Variants in LGSN observed in about 807,000 individuals in gnomAD.
The protein encoded by LGSN is lengsin.
Under a neutral mutation model 19.5 loss-of-function variants are expected in LGSN, and 21 were observed. That is an observed-to-expected ratio of 1.07 (90% CI 0.76 to 1.55). LGSN has a LOEUF of 1.55. LGSN is among the 40% of genes most tolerant of loss of function. LGSN has a pLI of 0.00. For synonymous variants in LGSN, 257 were observed against 215.6 expected (o/e 1.19, Z -1.68); for missense variants, 673 against 608.5 (o/e 1.11, Z -1.12).
chr6:63,456,468 C>T, the LGSN span, among the ~76,000 whole-genome samples: 1,331 of 147,362 alleles, frequency 9.0e-3, 15 homozygotes, highest in African/African-American at 0.031. Context: ...TAGACTCAAG[C>T]GCCCCTCAGC....
intron 2 of LGSN, among the ~76,000 whole-genome samples, chr6:63,291,963 G>A (rs750660398): frequency 6.6e-6 from 1 of 152,190 alleles, no homozygotes; most frequent in African/African-American, 2.4e-5. Flanking sequence ...AAGGGATGTG[G>A]AAGAAGGGGA....
At chr6:63,415,676 G>C in the LGSN span, among the ~76,000 whole-genome samples, 8 of 152,226 alleles carry the variant, frequency 5.3e-5, no homozygotes, top group Non-Finnish European at 1.0e-4. Context: ...AGTGGGGACA[G>C]AAAGCCTAAC....
At chr6:63,344,029 G>T in the LGSN span, among the ~76,000 whole-genome samples, 45 of 152,204 alleles carry the variant, frequency 3.0e-4, no homozygotes, top group Non-Finnish European at 3.2e-4. Context: ...TCAAAAATCT[G>T]AAAGAGCTTG....
the LGSN span, among the ~76,000 whole-genome samples, chr6:63,417,498 T>G: frequency 6.6e-6 from 1 of 152,226 alleles, no homozygotes; most frequent in Non-Finnish European, 1.5e-5. Flanking sequence ...CTTTTTACCC[T>G]TTCAGTTACC....
At position 63,278,793 on chromosome 6, in the gene LGSN, G is replaced by A. The variant is rs1767177811; in HGVS notation, c.*1228C>T. 6.6e-6 allele frequency: 1 copy of A among 152,086 alleles called. No individual in the cohort carries two copies. The highest frequency in any genetic ancestry group is 6.6e-5 in the Admixed American group (1 of 15,266). 9.4% of individuals were successfully genotyped at this position (152,086 alleles called of 1,614,324 possible). On this transcript the variant is annotated 3_prime_UTR_variant, in exon 4 of 4. Transcript: ENST00000370657. ...AAAAAGAAGGGAGTAATTAGTGAAG[G>A]ATAGACTGACTTTCACTATTTAAGC...
the LGSN span, among the ~76,000 whole-genome samples, chr6:63,543,577 T>G: frequency 1.3e-5 from 2 of 152,200 alleles, no homozygotes; most frequent in African/African-American, 4.8e-5. Context: ...GGCAGAGTGT[T>G]GATGATTGAA....
At chr6:63,358,188 C>T in the LGSN span, among the ~76,000 whole-genome samples, 2 of 152,180 alleles carry the variant, frequency 1.3e-5, no homozygotes, top group Non-Finnish European at 2.9e-5. Flanking sequence ...TTCCATTGGT[C>T]CATATCTATG....
chr6:63,440,591 C>T, the LGSN span, among the ~76,000 whole-genome samples: 1 of 152,180 alleles, frequency 6.6e-6, no homozygotes, highest in Non-Finnish European at 1.5e-5. Context: ...GCCTGTTTCT[C>T]CTTTCCCTAG....
chr6:63,333,230 C>T, the LGSN span, among the ~76,000 whole-genome samples: 7 of 151,818 alleles, frequency 4.6e-5, no homozygotes, highest in African/African-American at 9.7e-5. Context: ...TTTGACAGGG[C>T]GCTGATTGGT....
At chr6:63,357,766 C>T in the LGSN span, among the ~76,000 whole-genome samples, 1 of 152,118 alleles carries the variant, frequency 6.6e-6, no homozygotes, top group Admixed American at 6.5e-5. Context: ...CGAAAATTTT[C>T]TCCCATACTG....
the LGSN span, among the ~76,000 whole-genome samples, chr6:63,418,238 T>C: frequency 6.6e-6 from 1 of 152,162 alleles, no homozygotes; most frequent in African/African-American, 2.4e-5. Flanking sequence ...TTCCTCACAG[T>C]AATGTCAACT....
chr6:63,348,283 G>A, the LGSN span, among the ~76,000 whole-genome samples: 12 of 151,930 alleles, frequency 7.9e-5, no homozygotes, highest in African/African-American at 1.7e-4. Context: ...GCAAAACCCC[G>A]TCTTTACTAA....
chr6:63,327,155 G>T, the LGSN span, among the ~76,000 whole-genome samples: 2 of 152,218 alleles, frequency 1.3e-5, no homozygotes, highest in African/African-American at 4.8e-5. Flanking sequence ...TCTAGACCAG[G>T]TAAAGTGCCA....
intron 3 of LGSN, 115 bp from the exon 4 acceptor site, chr6:63,281,335 AAT>A (rs35245094): frequency 2.3e-4 from 33 of 144,158 alleles, no homozygotes; most frequent in Non-Finnish European, 3.5e-4. Flanking sequence ...ATATATAATA[AAT>A]ATATATATAT....
chr6:63,358,775 C>A, the LGSN span, among the ~76,000 whole-genome samples: 1 of 152,186 alleles, frequency 6.6e-6, no homozygotes, highest in African/African-American at 2.4e-5. Flanking sequence ...ATGTCACCTG[C>A]AAACAGGGAC....
the LGSN span, among the ~76,000 whole-genome samples, chr6:63,463,435 A>G: frequency 3.3e-5 from 5 of 152,364 alleles, no homozygotes; most frequent in East Asian, 1.9e-4. Context: ...ACATTGCTAC[A>G]TATATCTAGG....
At chr6:63,534,869 G>T in the LGSN span, among the ~76,000 whole-genome samples, 3 of 116,010 alleles carry the variant, frequency 2.6e-5, no homozygotes, top group Non-Finnish European at 5.6e-5. Context: ...CTTTACTAAA[G>T]AATTTCAACA....
the LGSN span, among the ~76,000 whole-genome samples, chr6:63,468,544 C>T: frequency 1.3e-5 from 2 of 152,096 alleles, no homozygotes; most frequent in Non-Finnish European, 2.9e-5. Flanking sequence ...TCTGTTGCCT[C>T]AGCCTCCCAA....
At chr6:63,295,148 A>C in intron 1 of LGSN, 103 bp from the exon 2 acceptor site, 1 of 1,036,172 alleles carries the variant, frequency 9.7e-7, no homozygotes, top group Non-Finnish European at 1.4e-6. Context: ...TTTAATGAGC[A>C]TAGAAGACTT....
Sources: gnomAD v4.1 joint callset for allele counts (sites outside exome capture counted in the v4.1 genomes callset) on GRCh38, gnomAD v4.1.1 for gene constraint, MANE v1.5 for transcripts, NCBI Gene and HGNC (gene_info 2026-07-23, HGNC 2026-07-21) for gene names.